NFATC2: variants seen among roughly 807,000 people sequenced by gnomAD.
NFATC2 encodes the protein nuclear factor of activated T cells 2.
In NFATC2, 22 loss-of-function variants were observed where a neutral mutation model predicts 87.3. The observed-to-expected ratio is 0.25, with a 90% CI of 0.18 to 0.36. The LOEUF (loss-of-function observed/expected upper bound fraction) is 0.36. Ranked by LOEUF, NFATC2 falls within the 10% of genes least tolerant of loss-of-function variation. The pLI is 1.00. For missense variants in NFATC2, 1,149 were observed against 1,259.1 expected (o/e 0.91, Z 1.32); for synonymous variants, 565 against 542.2 (o/e 1.04, Z -0.58).
chr20:51,491,871 TACACATACACACACACAC>T (rs1321770428), intron 3 of NFATC2, among the ~76,000 whole-genome samples: 53 of 86,364 alleles, frequency 6.1e-4, no homozygotes, highest in South Asian at 2.9e-3. Flanking sequence ...AACACACACA[TACACATACACACACACAC>T]ACACACACAC....
chr20:51,549,542 C>T lies in NFATC2; in HGVS notation c.70+13018G>A, dbSNP rs1213081715. Among the ~76,000 whole-genome samples, 7 of 152,352 alleles carry T rather than the reference C, an allele frequency of 4.6e-5. No homozygotes were observed. In the East Asian group the frequency reaches 9.6e-4, roughly 21 times the overall value. The stretch of plus-strand genomic sequence containing the variant: ...ATGGCATGAAGACATAAATGTCTGA[C>T]CAAGCCTGGAGTGATCTTGTGATAC... On this transcript the variant is annotated intron_variant, in intron 1 of 10. Transcript: ENST00000414705.
At chr20:51,431,995 C>A (rs1320307536) in intron 9 of NFATC2, 72 bp downstream of exon 9, 1 of 1,432,276 alleles carries the variant, frequency 7.0e-7, no homozygotes, top group Admixed American at 2.3e-5. Context: ...GTAGGCCATG[C>A]AGTGAACTTC....
intron 10 of NFATC2, among the ~76,000 whole-genome samples, chr20:51,397,806 C>CT (rs1987409360): frequency 6.6e-6 from 1 of 152,172 alleles, no homozygotes. Context: ...AATATAAACT[C>CT]TAAGATGGGC....
intron 10 of NFATC2, among the ~76,000 whole-genome samples, chr20:51,397,973 C>A (rs188694428): frequency 2.6e-5 from 4 of 152,166 alleles, no homozygotes; most frequent in Non-Finnish European, 5.9e-5. Flanking sequence ...GAAACCTGCA[C>A]GATAAGGTCT....
intron 3 of NFATC2, among the ~76,000 whole-genome samples, chr20:51,492,785 G>A (rs1035556505): frequency 2.0e-5 from 3 of 152,228 alleles, no homozygotes; most frequent in Non-Finnish European, 2.9e-5. Flanking sequence ...GTCAAGAGGC[G>A]TGATAAAGCA....
intron 5 of NFATC2, among the ~76,000 whole-genome samples, chr20:51,465,800 G>T (rs1432584657): frequency 6.6e-6 from 1 of 151,996 alleles, no homozygotes; most frequent in African/African-American, 2.4e-5. Context: ...GTCTTTGCTT[G>T]TTTACTGTCT....
rs111337119 is a variant in NFATC2, at chr20:51,415,641, A to G, written c.2722+16426T>C. On this transcript the variant is annotated intron_variant, in intron 9 of 10. Transcript: ENST00000371564. ...ACACCTCTAAAGATACATTTCTAGAAGTGGGATATTCTGGATTAAAAGATG... is the reference window on the plus strand; with the variant it reads ...ACACCTCTAAAGATACATTTCTAGAGGTGGGATATTCTGGATTAAAAGATG... Among the ~76,000 whole-genome samples the G allele has an allele frequency of 5.4e-3, 828 of 152,316 alleles. 6 individuals are homozygous for G. Among genetic ancestry groups the G allele is most frequent in the African/African-American group, 0.019 (783 of 41,556 alleles).
upstream of NFATC2, chr20:51,562,725 G>A: frequency 5.5e-6 from 7 of 1,272,434 alleles, no homozygotes; most frequent in Non-Finnish European, 6.6e-6. The surrounding 1 kb of genome is among the most constrained non-coding windows in gnomAD (Gnocchi z 5.8). Context: ...CCGCGTGCCC[G>A]CGGGGCTGCC....
intron 3 of NFATC2, among the ~76,000 whole-genome samples, chr20:51,491,075 C>G (rs1262914051): frequency 1.3e-5 from 2 of 152,168 alleles, no homozygotes; most frequent in Non-Finnish European, 2.9e-5. Context: ...GCTAAGGACT[C>G]TTTACCAGGA....
chr20:51,441,783 TAGAC>T (rs1190240550), intron 6 of NFATC2, among the ~76,000 whole-genome samples: 2 of 150,392 alleles, frequency 1.3e-5, no homozygotes, highest in African/African-American at 4.9e-5. Flanking sequence ...AGAATTAAAA[TAGAC>T]AGTGTATGTG....
chr20:51,402,692 C>T (rs796099548), intron 9 of NFATC2, among the ~76,000 whole-genome samples: 2 of 152,306 alleles, frequency 1.3e-5, no homozygotes, highest in African/African-American at 4.8e-5. Context: ...GTATATGCCT[C>T]TTTGCTTATC....
intron 3 of NFATC2, among the ~76,000 whole-genome samples, chr20:51,488,022 T>C (rs1417507925): frequency 6.6e-6 from 1 of 152,046 alleles, no homozygotes; most frequent in Non-Finnish European, 1.5e-5. Flanking sequence ...AAACGCATCA[T>C]TCAGGAACAA....
At chr20:51,503,869 A>G (rs914913910) in intron 3 of NFATC2, among the ~76,000 whole-genome samples, 3 of 152,208 alleles carry the variant, frequency 2.0e-5, no homozygotes, top group Non-Finnish European at 4.4e-5. Flanking sequence ...TTTGAGACAG[A>G]GTCTTGCTCT....
At chr20:51,553,749 TAACTG>T (rs2076954435) in intron 1 of NFATC2, among the ~76,000 whole-genome samples, 1 of 151,428 alleles carries the variant, frequency 6.6e-6, no homozygotes, top group East Asian at 1.9e-4. Context: ...TCCTTGATCT[TAACTG>T]AACAGGAGAT....
At chr20:51,558,680 A>T (rs1243803164) in intron 1 of NFATC2, among the ~76,000 whole-genome samples, 1 of 152,198 alleles carries the variant, frequency 6.6e-6, no homozygotes, top group East Asian at 1.9e-4. Context: ...TAATTCAGCA[A>T]ATAAATAGTT....
chr20:51,493,244 A>G (rs1247688206), intron 3 of NFATC2, among the ~76,000 whole-genome samples: 3 of 152,190 alleles, frequency 2.0e-5, no homozygotes, highest in African/African-American at 7.2e-5. Context: ...AAGCACTTGT[A>G]CATTTCATAG....
At chr20:51,454,122 T>C (rs1201929035) in intron 6 of NFATC2, among the ~76,000 whole-genome samples, 1 of 152,148 alleles carries the variant, frequency 6.6e-6, no homozygotes, top group Non-Finnish European at 1.5e-5. Flanking sequence ...TTTTAACGGA[T>C]AGGTAATATG....
intron 3 of NFATC2, among the ~76,000 whole-genome samples, chr20:51,489,064 C>T (rs555458944): frequency 6.6e-6 from 1 of 152,334 alleles, no homozygotes; most frequent in Non-Finnish European, 1.5e-5. Context: ...GTGGCGGGCG[C>T]CTGCAATCCC....
At chr20:51,545,365 T>C (rs2076880369), upstream of NFATC2, among the ~76,000 whole-genome samples, 2 of 152,308 alleles carry the variant, frequency 1.3e-5, no homozygotes, top group South Asian at 4.1e-4. Context: ...TTGGTAGAGC[T>C]ATCAACCCAG....
Sources: allele counts gnomAD v4.1 joint callset (sites outside exome capture counted in the v4.1 genomes callset), GRCh38; gene constraint gnomAD v4.1.1; non-coding constraint Gnocchi (gnomAD v3.1); transcripts MANE v1.5; gene names NCBI Gene and HGNC (gene_info 2026-07-23, HGNC 2026-07-21).